The following DPP10 variants were observed in gnomAD, a reference collection of about 807,000 sequenced individuals.
DPP10 encodes the protein dipeptidyl peptidase like 10, also known as inactive dipeptidyl peptidase 10.
In DPP10, 33 loss-of-function variants were observed where a neutral mutation model predicts 120.9. That is an observed-to-expected ratio of 0.27 (90% CI 0.21 to 0.37). The LOEUF is 0.37. DPP10 is among the 10% of genes least tolerant of loss of function. DPP10 has a pLI of 1.00. For missense variants in DPP10, 816 were observed against 942.8 expected (o/e 0.87, Z 1.76); for synonymous variants, 337 against 326.1 (o/e 1.03, Z -0.36).
At chr2:115,104,938 A>G (rs1438720188) in intron 1 of DPP10, among the ~76,000 whole-genome samples, 3 of 152,000 alleles carry the variant, frequency 2.0e-5, no homozygotes, top group Admixed American at 6.6e-5. Flanking sequence ...CCCAGGAGCC[A>G]GAGGTTGCAG....
chr2:114,580,485 C>T (rs895197303), intron 1 of DPP10, among the ~76,000 whole-genome samples: 7 of 152,196 alleles, frequency 4.6e-5, no homozygotes, highest in Non-Finnish European at 7.3e-5. Context: ...GACAGAGAGA[C>T]ACAGCACACT....
At chr2:115,815,652 AT>A in intron 20 of DPP10, 22 bp from the exon 21 acceptor site, 1 of 1,592,574 alleles carries the variant, frequency 6.3e-7, no homozygotes, top group Non-Finnish European at 8.6e-7. Context: ...AGATATAACT[AT>A]TGTTTTTCGT....
chr2:115,384,315 A>T (rs1172301633), intron 3 of DPP10, among the ~76,000 whole-genome samples: 1 of 152,100 alleles, frequency 6.6e-6, no homozygotes, highest in African/African-American at 2.4e-5. Context: ...TCAAGGCTGC[A>T]GTGAGCTATG....
chr2:114,811,108 G>A (rs954711159), intron 1 of DPP10, among the ~76,000 whole-genome samples: 2 of 152,146 alleles, frequency 1.3e-5, no homozygotes, highest in Admixed American at 1.3e-4. Context: ...GCAGCCTGGA[G>A]TAAACTTTCA....
At chr2:115,122,551 T>A (rs1200418053) in intron 1 of DPP10, among the ~76,000 whole-genome samples, 5 of 152,220 alleles carry the variant, frequency 3.3e-5, no homozygotes, top group Admixed American at 6.5e-5. Context: ...GAGGTCCAAT[T>A]AGTGTGTGTC....
chr2:114,726,316 T>A (rs914609358), intron 1 of DPP10, among the ~76,000 whole-genome samples: 2 of 151,996 alleles, frequency 1.3e-5, no homozygotes, highest in South Asian at 4.2e-4. Context: ...GATGAACCAG[T>A]GATCTCCTCA....
At chr2:115,193,075 G>A (rs1428069313) in intron 1 of DPP10, among the ~76,000 whole-genome samples, 1 of 151,942 alleles carries the variant, frequency 6.6e-6, no homozygotes. Context: ...TACACACCTT[G>A]CAAATAAACT....
chr2:114,831,831 C>T (rs1311573787), intron 1 of DPP10, among the ~76,000 whole-genome samples: 1 of 124,434 alleles, frequency 8.0e-6, no homozygotes. Flanking sequence ...GTTTGCTCTT[C>T]TCTTTCTCTC....
chr2:114,897,552 G>A (rs1192265604), intron 1 of DPP10, among the ~76,000 whole-genome samples: 1 of 152,012 alleles, frequency 6.6e-6, no homozygotes, highest in Admixed American at 6.6e-5. Flanking sequence ...CCATCAGAGT[G>A]AACAGGCAAC....
At chr2:114,653,610 A>C (rs991282931) in intron 1 of DPP10, among the ~76,000 whole-genome samples, 1 of 152,172 alleles carries the variant, frequency 6.6e-6, no homozygotes, top group Non-Finnish European at 1.5e-5. Context: ...TGCATTTGTC[A>C]TGCCCTCCAA....
intron 1 of DPP10, among the ~76,000 whole-genome samples, chr2:114,879,393 A>G (rs1017499309): frequency 1.6e-4 from 25 of 152,114 alleles, no homozygotes; most frequent in African/African-American, 5.3e-4. Flanking sequence ...CTTTAGCACT[A>G]TATTATAAAC....
intron 1 of DPP10, among the ~76,000 whole-genome samples, chr2:114,708,511 C>T (rs1248441054): frequency 6.6e-6 from 1 of 152,142 alleles, no homozygotes; most frequent in African/African-American, 2.4e-5. Flanking sequence ...GTTCCCACCA[C>T]CGGCACTTAC....
At chr2:115,537,363 C>G (rs1009660408) in intron 5 of DPP10, among the ~76,000 whole-genome samples, 9 of 151,946 alleles carry the variant, frequency 5.9e-5, no homozygotes, top group African/African-American at 1.9e-4. Context: ...ATGGGGAGGC[C>G]ACAAAGTAGA....
intron 1 of DPP10, among the ~76,000 whole-genome samples, chr2:114,515,026 C>G (rs747791483): frequency 9.9e-5 from 15 of 152,140 alleles, no homozygotes; most frequent in Admixed American, 6.5e-5. Flanking sequence ...ATTTGCTTAA[C>G]TGAAATCTAG....
chr2:114,499,129 C>A (rs913272647), intron 1 of DPP10, among the ~76,000 whole-genome samples: 1 of 152,304 alleles, frequency 6.6e-6, no homozygotes, highest in East Asian at 1.9e-4. Context: ...TATCCCTGAT[C>A]TCTCATGCTA....
intron 1 of DPP10, among the ~76,000 whole-genome samples, chr2:114,915,564 C>G (rs1051322859): frequency 6.6e-6 from 1 of 152,094 alleles, no homozygotes; most frequent in African/African-American, 2.4e-5. Flanking sequence ...GCATATGGCA[C>G]ATAATCTAAA....
intron 3 of DPP10, among the ~76,000 whole-genome samples, chr2:115,368,191 G>A (rs1574580417): frequency 6.6e-6 from 1 of 152,092 alleles, no homozygotes; most frequent in African/African-American, 2.4e-5. Flanking sequence ...AAGAAAGGCC[G>A]AAATTATGAC....
At chr2:115,384,636 A>AAG (rs2066755070) in intron 3 of DPP10, among the ~76,000 whole-genome samples, 2 of 150,190 alleles carry the variant, frequency 1.3e-5, no homozygotes, top group African/African-American at 4.9e-5. Flanking sequence ...GAGGAAGAAG[A>AAG]AAGAAGGAAG....
chr2:115,290,477 TG>T (rs1325766873), intron 1 of DPP10, among the ~76,000 whole-genome samples: 1 of 152,146 alleles, frequency 6.6e-6, no homozygotes, highest in Non-Finnish European at 1.5e-5. Flanking sequence ...ACTAGGAACA[TG>T]GCTGTTCACT....
Sources: gnomAD v4.1 joint callset for allele counts (sites outside exome capture counted in the v4.1 genomes callset) on GRCh38, gnomAD v4.1.1 for gene constraint, MANE v1.5 for transcripts, NCBI Gene and HGNC (gene_info 2026-07-23, HGNC 2026-07-21) for gene names.